ZSWIM6: variants seen among roughly 807,000 people sequenced by gnomAD.
ZSWIM6 encodes zinc finger SWIM-type containing 6, also known as zinc finger SWIM domain-containing protein 6.
ZSWIM6 carries 9 observed loss-of-function variants against 113.2 expected under a neutral mutation model. The observed-to-expected ratio is 0.08, with a 90% CI of 0.05 to 0.14. The LOEUF (loss-of-function observed/expected upper bound fraction) is 0.14. ZSWIM6 is among the 10% of genes least tolerant of loss of function. The probability of loss-of-function intolerance (pLI) is 1.00; values close to 1 mark genes in which losing one functional copy is unlikely to be tolerated. For missense variants in ZSWIM6, 1,162 were observed against 1,552.2 expected, an observed-to-expected ratio of 0.75 and a Z score of 4.22; for synonymous variants, 611 against 606.5, an observed-to-expected ratio of 1.01 and a Z score of -0.11.
intron 4 of ZSWIM6, among the ~76,000 whole-genome samples, chr5:61,517,941 C>T: frequency 1.0e-5 from 1 of 99,184 alleles, no homozygotes; most frequent in Non-Finnish European, 1.9e-5. Context: ...GCTATCCCTC[C>T]CCCCACCCCA....
intron 1 of ZSWIM6, among the ~76,000 whole-genome samples, chr5:61,400,351 T>C (rs1049799879): frequency 2.0e-5 from 3 of 152,216 alleles, no homozygotes; most frequent in African/African-American, 7.2e-5. Context: ...TTCACAATTA[T>C]GCTAGCTTTC....
At chr5:61,390,181 A>G (rs1745675804) in intron 1 of ZSWIM6, among the ~76,000 whole-genome samples, 1 of 152,202 alleles carries the variant, frequency 6.6e-6, no homozygotes, top group African/African-American at 2.4e-5. Flanking sequence ...CTGTGCTGTA[A>G]TGATATTGTG....
At chr5:61,503,841 T>C (rs1748535229) in intron 4 of ZSWIM6, among the ~76,000 whole-genome samples, 1 of 152,220 alleles carries the variant, frequency 6.6e-6, no homozygotes. Flanking sequence ...AATAGTAGTA[T>C]CGTCAGTTAT....
At chr5:61,523,746 T>A (rs777895976) in intron 5 of ZSWIM6, among the ~76,000 whole-genome samples, 10 of 152,234 alleles carry the variant, frequency 6.6e-5, no homozygotes, top group Admixed American at 1.3e-4. Context: ...CTTAATTTTA[T>A]GTGTTTCCCA....
intron 1 of ZSWIM6, among the ~76,000 whole-genome samples, chr5:61,443,317 T>G (rs143249085): frequency 6.6e-6 from 1 of 152,188 alleles, no homozygotes. Flanking sequence ...ATAATCATTA[T>G]AACAACCTAA....
intron 1 of ZSWIM6, among the ~76,000 whole-genome samples, chr5:61,352,625 G>T (rs1350029496): frequency 1.3e-5 from 2 of 152,218 alleles, no homozygotes; most frequent in African/African-American, 4.8e-5. Context: ...TTTTCCAAAG[G>T]TACACTTGCA....
chr5:61,504,487 A>G (rs1360280668), intron 4 of ZSWIM6, among the ~76,000 whole-genome samples: 1 of 152,220 alleles, frequency 6.6e-6, no homozygotes, highest in Non-Finnish European at 1.5e-5. Context: ...TCTGTTCTCT[A>G]GGAAACCCAA....
intron 1 of ZSWIM6, among the ~76,000 whole-genome samples, chr5:61,467,352 G>A (rs1418430946): frequency 6.6e-6 from 1 of 152,052 alleles, no homozygotes; most frequent in East Asian, 1.9e-4. Context: ...TTATATTTTT[G>A]CAAGCCTATT....
chr5:61,332,526 T>C lies in ZSWIM6; in HGVS notation c.254T>C (p.Val85Ala), dbSNP rs1263486477. Reference sequence around the variant, plus strand: ...CTGCTGGACATCGCGGCGCGCAGGGTGGCGGAGAAGTGGCCGTTCCAGCGC... The same window carrying C: ...CTGCTGGACATCGCGGCGCGCAGGGCGGCGGAGAAGTGGCCGTTCCAGCGC... ...ESLLDIAARR[V>A]AEKWPFQRVE... Residue 85 changes from valine (V) to alanine (A), a missense_variant, in exon 1 of 14, where the codon GTG becomes GCG. By Grantham distance (64) the Val-to-Ala change is moderately conservative. This residue lies in a region of ZSWIM6 where 333 missense variants were observed against 293.4 expected (regional missense o/e 1.13). Transcript: ENST00000252744. 7.5e-7 allele frequency: 1 copy of C among 1,332,494 alleles called. No individual in the cohort carries two copies. The allele number at this position is 1,332,494 out of a possible 1,614,324, so 82.5% of individuals were successfully genotyped here.
At chr5:61,382,206 C>G (rs1276106827) in intron 1 of ZSWIM6, among the ~76,000 whole-genome samples, 1 of 152,128 alleles carries the variant, frequency 6.6e-6, no homozygotes, top group Non-Finnish European at 1.5e-5. Context: ...CATTTGGTGA[C>G]AAAATAGCCA....
rs1411084131 is a variant in ZSWIM6 at position 61,374,973 on chromosome 5, T to C, written c.676+42025T>C. 2.0e-5 allele frequency: 17 copies of C among 861,624 alleles called. No individual in the cohort carries two copies. The East Asian group carries it at 3.5e-4, about 18-fold the overall frequency. The allele number at this position is 861,624 out of a possible 1,614,324, so 53.4% of individuals were successfully genotyped here. A position where few individuals can be genotyped will look rare whatever the true frequency, so the allele number is the denominator to read the frequency against. ...TGACAAACTAAGGCTAAAATTAATA[T>C]AGAAATGAGCATACAATAATAGGAA... On this transcript the variant is annotated intron_variant, in intron 1 of 13. Coordinates refer to ENST00000252744, the MANE Select transcript of ZSWIM6 (RefSeq NM_020928.2).
chr5:61,415,592 CAAA>C (rs34647896), intron 1 of ZSWIM6, among the ~76,000 whole-genome samples: 1 of 92,284 alleles, frequency 1.1e-5, no homozygotes, highest in African/African-American at 4.4e-5. Flanking sequence ...ACTCTGTCTC[CAAA>C]AAAAAAAAAA....
chr5:61,493,706 T>A (rs1748245477), intron 3 of ZSWIM6, among the ~76,000 whole-genome samples: 1 of 152,166 alleles, frequency 6.6e-6, no homozygotes, highest in South Asian at 2.1e-4. Flanking sequence ...CAGCAGCACC[T>A]TGCTTAAATC....
At chr5:61,384,533 A>G (rs1010313465) in intron 1 of ZSWIM6, among the ~76,000 whole-genome samples, 8 of 152,244 alleles carry the variant, frequency 5.3e-5, no homozygotes, top group Middle Eastern at 6.8e-3. Flanking sequence ...TGAATTCATG[A>G]GATTATGGGG....
In ZSWIM6 at chr5:61,544,540, AT is replaced by A. The variant is rs765370125; in HGVS notation, c.*233del. ...TTCCTTTATTTTATTATTTTTTTTA[AT>A]TTTTTTTTTCTGGTTTTGTATGAGA... On this transcript the variant is annotated 3_prime_UTR_variant, in exon 14 of 14. Coordinates refer to ENST00000252744, the MANE Select transcript of ZSWIM6 (RefSeq NM_020928.2). 278 of 211,502 alleles carry A rather than the reference AT, an allele frequency of 1.3e-3. No homozygotes were observed. Among genetic ancestry groups the A allele is most frequent in the African/African-American group, 1.7e-3 (69 of 40,528 alleles). 13.1% of individuals were successfully genotyped at this position (211,502 alleles called of 1,614,324 possible). A position where few individuals can be genotyped will look rare whatever the true frequency, so the allele number is the denominator to read the frequency against.
At chr5:61,495,385 G>A (rs746154087) in intron 4 of ZSWIM6, among the ~76,000 whole-genome samples, 10 of 152,112 alleles carry the variant, frequency 6.6e-5, no homozygotes, top group African/African-American at 1.9e-4. Context: ...TGTAATCTAG[G>A]GTTATGCAGC....
chr5:61,515,076 G>T (rs536913249), intron 4 of ZSWIM6, among the ~76,000 whole-genome samples: 1 of 152,250 alleles, frequency 6.6e-6, no homozygotes, highest in South Asian at 2.1e-4. Context: ...TCTTGAGTGA[G>T]CTCTGGTAGT....
intron 1 of ZSWIM6, among the ~76,000 whole-genome samples, chr5:61,453,891 C>G (rs1351179259): frequency 6.6e-6 from 1 of 151,916 alleles, no homozygotes; most frequent in Non-Finnish European, 1.5e-5. Context: ...TGAGGCTATG[C>G]AGATATTCTG....
Position 61,521,442 on chromosome 5 carries a change from G to A in ZSWIM6, c.1513G>A (p.Asp505Asn). Reference sequence around the variant, plus strand: ...GCCTCAGGGTGCAAATGCCAACCAAGGTGAGTCTACCATAATGTTCTGCTT... The same window carrying A: ...GCCTCAGGGTGCAAATGCCAACCAAAGTGAGTCTACCATAATGTTCTGCTT... Reference protein sequence around the residue: ...ALPQGANANQDSSNRPHRTVF... With the variant: ...ALPQGANANQNSSNRPHRTVF... The change falls in exon 5 of 14, where the codon GAT becomes AAT. Residue 505 changes from aspartate (D) to asparagine (N), a missense_variant and splice_region_variant. Asp to Asn is a conservative substitution (Grantham distance 23, BLOSUM62 1). Around this residue, in one of 4 missense-constraint regions of ZSWIM6, gnomAD observed 620 missense variants for 804.6 expected, o/e 0.77. Transcript: ENST00000252744. 1 of 1,456,686 alleles carries A rather than the reference G, an allele frequency of 6.9e-7. No individual in the cohort carries two copies. Among genetic ancestry groups the A allele is most frequent in the Non-Finnish European group, 9.1e-7 (1 of 1,097,280 alleles). 90.2% of individuals were successfully genotyped at this position (1,456,686 alleles called of 1,614,324 possible).
Sources: allele counts gnomAD v4.1 joint callset (sites outside exome capture counted in the v4.1 genomes callset), GRCh38; gene constraint gnomAD v4.1.1; regional missense constraint gnomAD v4.1.1; transcripts MANE v1.5; gene names NCBI Gene and HGNC (gene_info 2026-07-23, HGNC 2026-07-21).